The following SMARCAD1 variants were observed in gnomAD, a reference collection of about 807,000 sequenced individuals.
SMARCAD1 encodes the protein SWI/SNF-related matrix-associated actin-dependent regulator of chromatin subfamily A containing DEAD/H box 1.
SMARCAD1 carries 25 observed loss-of-function variants against 127.1 expected under a neutral mutation model. That is an observed-to-expected ratio of 0.20 (90% confidence interval 0.14 to 0.27). SMARCAD1 has a LOEUF of 0.27. Ranked by LOEUF, SMARCAD1 falls within the 10% of genes least tolerant of loss-of-function variation. SMARCAD1 has a pLI of 1.00. For synonymous variants in SMARCAD1, 400 were observed against 396.9 expected (o/e 1.01, Z -0.09); for missense variants, 807 against 1,206.0 (o/e 0.67, Z 4.90).
intron 6 of SMARCAD1, among the ~76,000 whole-genome samples, chr4:94,242,049 T>C (rs1255147426): frequency 6.6e-6 from 1 of 152,010 alleles, no homozygotes; most frequent in Non-Finnish European, 1.5e-5. Context: ...TTTGTTTTGC[T>C]TTTTGAGACA....
chr4:94,250,449 A>G (rs1483854109), intron 7 of SMARCAD1, among the ~76,000 whole-genome samples: 2 of 152,100 alleles, frequency 1.3e-5, no homozygotes, highest in African/African-American at 2.4e-5. Context: ...GCCTAGCTGC[A>G]TATTGAAATT....
chr4:94,209,418 A>G (rs1258004923), intron 2 of SMARCAD1, among the ~76,000 whole-genome samples: 4 of 152,226 alleles, frequency 2.6e-5, no homozygotes, highest in African/African-American at 7.2e-5. Flanking sequence ...GCATAAACTA[A>G]TTAGTTAGTT....
chr4:94,248,595 T>TA (rs1426288128), intron 6 of SMARCAD1: 1 of 453,668 alleles, frequency 2.2e-6, no homozygotes, highest in African/African-American at 2.0e-5. Flanking sequence ...TGTTGCTTCT[T>TA]AAAAAAGACT....
chr4:94,277,383 C>CT (rs149764998), intron 16 of SMARCAD1, among the ~76,000 whole-genome samples: 10,312 of 152,178 alleles, frequency 0.068, 1,173 homozygotes, highest in African/African-American at 0.23. Context: ...GGTTAATATC[C>CT]TAATTTTCTG....
chr4:94,238,930 C>CAA (rs35833098), intron 5 of SMARCAD1, among the ~76,000 whole-genome samples: 93,324 of 151,752 alleles, frequency 0.61, 28,794 homozygotes, highest in East Asian at 0.72. Context: ...CATGAGGAAA[C>CAA]AGTGGATACA....
At chr4:94,272,547 C>T (rs780120572) in intron 11 of SMARCAD1, among the ~76,000 whole-genome samples, 1 of 152,152 alleles carries the variant, frequency 6.6e-6, no homozygotes, top group Non-Finnish European at 1.5e-5. Context: ...TATTCTTATA[C>T]CTATCCTCGT....
In SMARCAD1 at chr4:94,253,045, G is replaced by A. The variant is rs752524410; in HGVS notation, c.1281+38G>A. On this transcript the variant is annotated intron_variant, in intron 9 of 23. Coordinates refer to ENST00000354268, the MANE Select transcript of SMARCAD1 (RefSeq NM_020159.5). ...TCTTTTTTTCCCCTTGTATGTGTGT[G>A]TGTATTTAATTCACAGTACCGGTTA... The A allele has an allele frequency of 6.2e-6, 10 of 1,604,556 alleles. No homozygotes were observed. The Admixed American group carries it at 1.3e-4, about 21-fold the overall frequency.
At chr4:94,225,448 A>G (rs186366306) in intron 2 of SMARCAD1, among the ~76,000 whole-genome samples, 3 of 152,284 alleles carry the variant, frequency 2.0e-5, no homozygotes, top group East Asian at 3.9e-4. Context: ...TTGAGGGTAC[A>G]ATCTCCAAAT....
Position 94,290,998 on chromosome 4 carries a change from A to G in SMARCAD1, c.*1464A>G, listed in dbSNP as rs1335337019. 2.2e-6 allele frequency: 1 copy of G among 446,482 alleles called. No individual in the cohort carries two copies. The highest frequency in any genetic ancestry group is 1.6e-5 in the South Asian group (1 of 62,404). The allele number at this position is 446,482 out of a possible 1,614,324, so 27.7% of individuals were successfully genotyped here. A position where few individuals can be genotyped will look rare whatever the true frequency, so the allele number is the denominator to read the frequency against. On this transcript the variant is annotated 3_prime_UTR_variant, in exon 24 of 24. Transcript: ENST00000354268. ...CTTGATGGTATATTGAACAGACTGA[A>G]TATATTTTACCATTACAGGGCTAAA...
chr4:94,288,841 G>T (rs758185100), intron 23 of SMARCAD1, among the ~76,000 whole-genome samples: 1 of 152,082 alleles, frequency 6.6e-6, no homozygotes, highest in Non-Finnish European at 1.5e-5. Context: ...GAATTAATCA[G>T]GGATGGCTAG....
At chr4:94,269,744 CT>C (rs1226481962) in intron 10 of SMARCAD1, among the ~76,000 whole-genome samples, 1 of 152,100 alleles carries the variant, frequency 6.6e-6, no homozygotes, top group South Asian at 2.1e-4. Flanking sequence ...TCTCAGCTCA[CT>C]ATAACTTCTG....
chr4:94,273,496 G>A, intron 11 of SMARCAD1, 121 bp from the exon 12 acceptor site: 2 of 714,550 alleles, frequency 2.8e-6, no homozygotes, highest in Non-Finnish European at 4.8e-6. Flanking sequence ...TTCCTTTAGA[G>A]TTGCATTCTG....
chr4:94,279,294 G>A (rs765867546), intron 19 of SMARCAD1, among the ~76,000 whole-genome samples: 59 of 152,004 alleles, frequency 3.9e-4, no homozygotes, highest in Non-Finnish European at 7.8e-4. Flanking sequence ...CTACAGGCAC[G>A]CACCACCATG....
intron 6 of SMARCAD1, among the ~76,000 whole-genome samples, chr4:94,246,783 G>GT (rs1178822608): frequency 6.6e-6 from 1 of 152,174 alleles, no homozygotes; most frequent in Non-Finnish European, 1.5e-5. Flanking sequence ...CATGAGTACT[G>GT]TATTATTTGA....
intron 2 of SMARCAD1, 27 bp downstream of exon 2, chr4:94,208,611 A>G (rs1172189572): frequency 6.3e-7 from 1 of 1,598,626 alleles, no homozygotes; most frequent in Admixed American, 1.7e-5. Context: ...AAATTGATGT[A>G]ACATCAAGGA....
At chr4:94,278,561 CTT>C in intron 17 of SMARCAD1, 44 bp downstream of exon 17, 1 of 1,609,534 alleles carries the variant, frequency 6.2e-7, no homozygotes, top group Non-Finnish European at 8.5e-7. Flanking sequence ...GTTTTTAAAA[CTT>C]AGGTTTTTCT....
At chr4:94,233,640 G>GA (rs1275174890) in intron 3 of SMARCAD1, among the ~76,000 whole-genome samples, 1 of 152,154 alleles carries the variant, frequency 6.6e-6, no homozygotes, top group Admixed American at 6.5e-5. Flanking sequence ...GAAAGAAGAT[G>GA]AGTAAAGAGG....
intron 12 of SMARCAD1, 89 bp from the exon 13 acceptor site, chr4:94,274,649 A>G: frequency 8.2e-7 from 1 of 1,212,318 alleles, no homozygotes; most frequent in Non-Finnish European, 1.2e-6. Context: ...CTGATTTCTG[A>G]GTAGCACTTG....
At chr4:94,229,800 TG>T (rs1160371683) in intron 3 of SMARCAD1, among the ~76,000 whole-genome samples, 13 of 102,992 alleles carry the variant, frequency 1.3e-4, no homozygotes, top group African/African-American at 2.9e-4. Context: ...AAATGTGTGG[TG>T]TTTTTTTTTT....
Sources: gnomAD v4.1 joint callset for allele counts (sites outside exome capture counted in the v4.1 genomes callset) on GRCh38, gnomAD v4.1.1 for gene constraint, MANE v1.5 for transcripts, NCBI Gene and HGNC (gene_info 2026-07-23, HGNC 2026-07-21) for gene names.